The following PRKAR1A variants were observed in gnomAD, a reference collection of about 807,000 sequenced individuals.
PRKAR1A encodes the protein cAMP-dependent protein kinase type I-alpha regulatory subunit.
A neutral mutation model predicts 52.0 loss-of-function variants in PRKAR1A; 3 were observed. The ratio of observed to expected loss-of-function variants is 0.06; its 90% CI spans 0.03 to 0.15. The LOEUF (loss-of-function observed/expected upper bound fraction) is 0.15. PRKAR1A is among the 10% of genes least tolerant of loss of function. The probability of loss-of-function intolerance (pLI) is 1.00; values close to 1 mark genes in which losing one functional copy is unlikely to be tolerated. For synonymous variants in PRKAR1A, 188 were observed against 168.4 expected (o/e 1.12, Z -0.90); for missense variants, 240 against 477.4 (o/e 0.50, Z 4.63).
At chr17:68,459,476 C>T in the PRKAR1A span, among the ~76,000 whole-genome samples, 1 of 152,162 alleles carries the variant, frequency 6.6e-6, no homozygotes, top group Admixed American at 6.5e-5. Context: ...AAAGCAGTGT[C>T]TTTGTCAGAT....
chr17:68,528,716 A>G lies in PRKAR1A; in HGVS notation c.770-154A>G, dbSNP rs3730369. 3.1e-3 allele frequency: 3,015 copies of G among 959,386 alleles called. 52 individuals carry two copies. The African/African-American group carries it at 0.04, about 13-fold the overall frequency. 59.4% of individuals were successfully genotyped at this position (959,386 alleles called of 1,614,324 possible). On this transcript the variant is annotated intron_variant, in intron 8 of 10. Transcript: ENST00000589228. ...GCAGTATGAGAATCCTGCTCAGACT[A>G]GAGGTAATTGAAGACAGGTACCACT... is the stretch of plus-strand genomic sequence containing the variant.
chr17:68,517,572 CATG>C (rs1214940299), intron 2 of PRKAR1A, among the ~76,000 whole-genome samples: 2 of 152,198 alleles, frequency 1.3e-5, no homozygotes, highest in Non-Finnish European at 2.9e-5. Flanking sequence ...CACTCACTAT[CATG>C]ATAACAGCAT....
At chr17:68,516,253 C>T (rs1471061257) in intron 2 of PRKAR1A, among the ~76,000 whole-genome samples, 2 of 152,044 alleles carry the variant, frequency 1.3e-5, no homozygotes, top group Admixed American at 1.3e-4. Context: ...TTTTTCTAAG[C>T]AAAGTGATAA....
At chr17:68,538,669 A>G (rs1341441804) in intron 11 of PRKAR1A, among the ~76,000 whole-genome samples, 2 of 152,182 alleles carry the variant, frequency 1.3e-5, no homozygotes, top group African/African-American at 4.8e-5. Flanking sequence ...TCAAGTAGTA[A>G]TATTTATGAG....
chr17:68,465,122 C>T, the PRKAR1A span, among the ~76,000 whole-genome samples: 9 of 151,284 alleles, frequency 5.9e-5, no homozygotes, highest in Non-Finnish European at 1.3e-4. Context: ...TCAGTAGATA[C>T]GGGGTTTCAC....
At chr17:68,546,168 C>CAAA (rs750780505) in intron 11 of PRKAR1A, among the ~76,000 whole-genome samples, 2 of 98,920 alleles carry the variant, frequency 2.0e-5, no homozygotes, top group African/African-American at 4.4e-5. Context: ...GACTCCATCT[C>CAAA]AAAAAAAAAA....
chr17:68,444,406 G>A, the PRKAR1A span: 98 of 1,260,996 alleles, frequency 7.8e-5, no homozygotes, highest in African/African-American at 9.0e-5. Context: ...ACTGCTTCAC[G>A]TTCGCAATTT....
the PRKAR1A span, among the ~76,000 whole-genome samples, chr17:68,482,372 T>A: frequency 6.6e-6 from 1 of 152,234 alleles, no homozygotes; most frequent in Non-Finnish European, 1.5e-5. Context: ...GTTTGCCCAA[T>A]GACACACAAC....
intron 11 of PRKAR1A, chr17:68,542,913 A>T: frequency 3.4e-6 from 3 of 885,746 alleles, no homozygotes; most frequent in Non-Finnish European, 5.6e-6. Flanking sequence ...TGGTGTACCC[A>T]GGAGGGTGGC....
Position 68,522,794 on chromosome 17 carries a change from C to T in PRKAR1A, c.216C>T (p.Gly72=). 1 of 1,614,116 alleles carries T rather than the reference C, an allele frequency of 6.2e-7. No individual in the cohort carries two copies. Among genetic ancestry groups the T allele is most frequent in the South Asian group, 1.1e-5 (1 of 91,078 alleles). ...AGATTCAGAATCTGCAGAAAGCAGGCACTCGTACAGACTCAAGGGAGGATG... is the reference window on the plus strand; with the variant it reads ...AGATTCAGAATCTGCAGAAAGCAGGTACTCGTACAGACTCAAGGGAGGATG... ...AKQIQNLQKA[G]TRTDSREDEI... Residue 72 remains glycine, a synonymous_variant, in exon 3 of 11, where the codon GGC becomes GGT. Coordinates refer to ENST00000589228, the MANE Select transcript of PRKAR1A (RefSeq NM_002734.5).
the PRKAR1A span, among the ~76,000 whole-genome samples, chr17:68,439,011 G>A: frequency 6.6e-6 from 1 of 152,208 alleles, no homozygotes; most frequent in Admixed American, 6.5e-5. Flanking sequence ...AGGATATGGA[G>A]AAACTGGGAT....
the PRKAR1A span, among the ~76,000 whole-genome samples, chr17:68,484,035 A>G: frequency 6.6e-6 from 1 of 152,130 alleles, no homozygotes; most frequent in Admixed American, 6.5e-5. Context: ...TAGCCCTCCA[A>G]CTTTGTTTTT....
chr17:68,521,995 G>T (rs1433201888), intron 2 of PRKAR1A, among the ~76,000 whole-genome samples: 1 of 152,198 alleles, frequency 6.6e-6, no homozygotes, highest in Non-Finnish European at 1.5e-5. Flanking sequence ...GGTCCAATAA[G>T]TAGTTTTTAA....
chr17:68,435,164 G>A, the PRKAR1A span, among the ~76,000 whole-genome samples: 8 of 149,158 alleles, frequency 5.4e-5, no homozygotes, highest in Middle Eastern at 3.5e-3. Flanking sequence ...CCGAGATTGC[G>A]CCATTGCACT....
chr17:68,530,239 A>C (rs923392243), intron 10 of PRKAR1A, 38 bp from the exon 11 acceptor site: 2 of 1,610,180 alleles, frequency 1.2e-6, no homozygotes, highest in South Asian at 2.2e-5. Context: ...AATGTTTTTC[A>C]TAGAAGTTAG....
At chr17:68,437,948 TAAAAAAAAA>T in the PRKAR1A span, among the ~76,000 whole-genome samples, 8 of 78,804 alleles carry the variant, frequency 1.0e-4, no homozygotes, top group Admixed American at 2.5e-4. Context: ...ACATCTCTCT[TAAAAAAAAA>T]AAAAAAAAAA....
exon 12 of PRKAR1A, chr17:68,551,143 T>A (rs1047724223): frequency 8.1e-7 from 1 of 1,232,700 alleles, no homozygotes; most frequent in East Asian, 3.2e-5. Context: ...GGCCGAACTC[T>A]AGGAGACCCT....
chr17:68,537,434 T>C (rs1173261032), downstream of PRKAR1A: 5 of 1,613,422 alleles, frequency 3.1e-6, no homozygotes, highest in South Asian at 2.2e-5. The surrounding 1 kb of genome is among the most constrained non-coding windows in gnomAD (Gnocchi z 4.2). Flanking sequence ...AGTCGACTGC[T>C]CTGGCTCCAG....
At chr17:68,539,947 A>T in intron 11 of PRKAR1A, 1 of 1,614,132 alleles carries the variant, frequency 6.2e-7, no homozygotes, top group South Asian at 1.1e-5. Flanking sequence ...ACATCTCATA[A>T]TGGTGCCGGT....
Sources: allele counts gnomAD v4.1 joint callset (sites outside exome capture counted in the v4.1 genomes callset), GRCh38; gene constraint gnomAD v4.1.1; non-coding constraint Gnocchi (gnomAD v3.1); transcripts MANE v1.5; gene names NCBI Gene and HGNC (gene_info 2026-07-23, HGNC 2026-07-21).